PRLHR: variants seen among roughly 807,000 people sequenced by gnomAD.
PRLHR encodes the protein prolactin-releasing peptide receptor.
A neutral mutation model predicts 9.3 loss-of-function variants in PRLHR; 10 were observed. The observed-to-expected ratio is 1.08, with a 90% CI of 0.66 to 1.82. The LOEUF (loss-of-function observed/expected upper bound fraction) is 1.82, where lower values mean the gene tolerates loss of function less well. Ranked by LOEUF, PRLHR falls within the 40% of genes most tolerant of loss-of-function variation. The pLI, the probability that PRLHR is intolerant of heterozygous loss-of-function variation, is 0.00. For synonymous variants in PRLHR, 261 were observed against 249.3 expected, an observed-to-expected ratio of 1.05 and a Z score of -0.44; for missense variants, 589 against 512.0, an observed-to-expected ratio of 1.15 and a Z score of -1.45.
chr10:118,594,386 A>G lies in PRLHR; in HGVS notation c.859T>C (p.Phe287Leu), dbSNP rs1191595394. 1.3e-6 allele frequency: 2 copies of G among 1,599,798 alleles called. No individual in the cohort carries two copies. The highest frequency in any genetic ancestry group is 1.3e-5 in the African/African-American group (1 of 74,776). Reference sequence around the variant, plus strand: ...TGCAGCGGCAGCCAGCAGACGGCGAACACCACCACGATCACCACCAGCAAG... The same window carrying G: ...TGCAGCGGCAGCCAGCAGACGGCGAGCACCACCACGATCACCACCAGCAAG... ...FCLLVVIVVV[F>L]AVCWLPLHVF... The change falls in exon 2 of 2, where the codon TTC becomes CTC. Residue 287 changes from phenylalanine to leucine, a missense_variant. By Grantham distance (22) the Phe-to-Leu change is conservative (BLOSUM62 0). Coordinates refer to ENST00000239032, the MANE Select transcript of PRLHR (RefSeq NM_004248.3).
rs1162877793 is a variant in PRLHR at position 118,594,764 on chromosome 10, C to A, written c.481G>T (p.Val161Phe). The A allele has an allele frequency of 6.2e-7, 1 of 1,610,352 alleles. No individual in the cohort carries two copies. The highest frequency in any genetic ancestry group is 8.5e-7 in the Non-Finnish European group (1 of 1,179,626). The change falls in exon 2 of 2, where the codon GTC (valine) becomes TTC (phenylalanine). Residue 161 changes from valine to phenylalanine, a missense_variant. Physicochemically the swap from Val to Phe is conservative, Grantham distance 50 (BLOSUM62 -1). Transcript: ENST00000239032. ...TLTTIAVDRY[V>F]VLVHPLRRRI... ...CGCCTCAGCGGGTGCACCAGCACGA[C>A]GTAGCGGTCCACTGCGATGGTGGTG...
At position 118,592,134 on chromosome 10, in the gene PRLHR, A is replaced by G. The variant is rs1260115261; in HGVS notation, c.*1998T>C. ...GGAGAGCCCAGACATCAATTACAAA[A>G]AGAAAAAAAAGTTCCCCAGGTGATT... On this transcript the variant is annotated 3_prime_UTR_variant, in exon 2 of 2. Coordinates refer to ENST00000239032, the MANE Select transcript of PRLHR (RefSeq NM_004248.3). 1 of 151,752 alleles carries G rather than the reference A, an allele frequency of 6.6e-6. No homozygotes were observed. The highest frequency in any genetic ancestry group is 1.5e-5 in the Non-Finnish European group (1 of 67,894). The allele number at this position is 151,752 out of a possible 1,614,324, so 9.4% of individuals were successfully genotyped here. A position where few individuals can be genotyped will look rare whatever the true frequency, so the allele number is the denominator to read the frequency against.
At position 118,594,341 on chromosome 10, in the gene PRLHR, C is replaced by G; in HGVS notation, c.904G>C (p.Asp302His). ...LPLHVFNLLR[D>H]LDPHAIDPYA... ...GGGTCGATGGCGTGGGGGTCGAGGT[C>G]CCGCAGCAGGTTGAAGACGTGCAGC... Residue 302 changes from aspartate (D) to histidine (H), a missense_variant, in exon 2 of 2, where the codon GAC (aspartate) becomes CAC (histidine). Transcript: ENST00000239032. The G allele has an allele frequency of 6.2e-7, 1 of 1,600,468 alleles. No homozygotes were observed. The highest frequency in any genetic ancestry group is 1.1e-5 in the South Asian group (1 of 90,926).
chr10:118,594,361 T>C lies in PRLHR; in HGVS notation c.884A>G (p.His295Arg). 1 of 1,600,390 alleles carries C rather than the reference T, an allele frequency of 6.2e-7. No individual in the cohort carries two copies. The highest frequency in any genetic ancestry group is 8.5e-7 in the Non-Finnish European group (1 of 1,179,560). Reference protein sequence around the residue: ...VVFAVCWLPLHVFNLLRDLDP... With the variant: ...VVFAVCWLPLRVFNLLRDLDP... Reference sequence around the variant, plus strand: ...GAGGTCCCGCAGCAGGTTGAAGACGTGCAGCGGCAGCCAGCAGACGGCGAA... The same window carrying C: ...GAGGTCCCGCAGCAGGTTGAAGACGCGCAGCGGCAGCCAGCAGACGGCGAA... Residue 295 changes from histidine (H) to arginine (R), a missense_variant, in exon 2 of 2, where the codon CAC becomes CGC. Physicochemically the swap from His to Arg is conservative, Grantham distance 29. Coordinates refer to ENST00000239032, the MANE Select transcript of PRLHR (RefSeq NM_004248.3).
At position 118,595,214 on chromosome 10, in the gene PRLHR, C is replaced by A; in HGVS notation, c.31G>T (p.Val11Phe). MASSTTRGPR[V>F]SDLFSGLPPA... ...GGCAGCCCAGAAAATAAGTCAGAAACCCTGGGGCCCCGAGTGGTCGATGAG... is the reference window on the plus strand; with the variant it reads ...GGCAGCCCAGAAAATAAGTCAGAAAACCTGGGGCCCCGAGTGGTCGATGAG... The change falls in exon 2 of 2, where the codon GTT becomes TTT. Residue 11 changes from valine (V) to phenylalanine (F), a missense_variant. Transcript: ENST00000239032. 1 of 1,548,064 alleles carries A rather than the reference C, an allele frequency of 6.5e-7. No homozygotes were observed. Among genetic ancestry groups the A allele is most frequent in the African/African-American group, 1.4e-5 (1 of 73,240 alleles).
Position 118,595,309 on chromosome 10 carries a change from C to T in PRLHR, c.-6-59G>A, listed in dbSNP as rs535924771. ...TTGCCATACTCCATCCGACCTCCTA[C>T]ACCAGCCGCGCCCCTCCCCCATCGC... On this transcript the variant is annotated intron_variant, in intron 1 of 1. Coordinates refer to ENST00000239032, the MANE Select transcript of PRLHR (RefSeq NM_004248.3). The T allele has an allele frequency of 8.1e-5, 116 of 1,429,730 alleles. No homozygotes were observed. In the Admixed American group the frequency reaches 1.1e-3, roughly 13 times the overall value. 88.6% of individuals were successfully genotyped at this position (1,429,730 alleles called of 1,614,324 possible).
In PRLHR at chr10:118,594,348, C is replaced by T. The variant is rs753905982; in HGVS notation, c.897G>A (p.Leu299=). ...TGGCGTGGGGGTCGAGGTCCCGCAG[C>T]AGGTTGAAGACGTGCAGCGGCAGCC... ...VCWLPLHVFN[L]LRDLDPHAID... The change falls in exon 2 of 2, where the codon CTG becomes CTA. Residue 299 remains leucine, a synonymous_variant. Coordinates refer to ENST00000239032, the MANE Select transcript of PRLHR (RefSeq NM_004248.3). The T allele has an allele frequency of 1.7e-5, 27 of 1,600,266 alleles. No homozygotes were observed. The highest frequency in any genetic ancestry group is 2.1e-5 in the Non-Finnish European group (25 of 1,178,924).
chr10:118,594,932 AC>A lies in PRLHR; in HGVS notation c.312del (p.Leu104PhefsTer64). ...CAGGCGGTGCACATGAGCACGTCGG[AC>A]AAGGCCAGGTTGCCGATGAGGAAGT... ...VTNFLIGNLALSDVLMCTACV... is the reference protein window; with the variant it reads ...VTNFLIGNLAXSDVLMCTACV... On this transcript the variant is annotated frameshift_variant, in exon 2 of 2. Coordinates refer to ENST00000239032, the MANE Select transcript of PRLHR (RefSeq NM_004248.3). LOFTEE classifies it low-confidence loss of function (END_TRUNC). 6.2e-7 allele frequency: 1 copy of A among 1,613,628 alleles called. No homozygotes were observed. The highest frequency in any genetic ancestry group is 1.1e-5 in the South Asian group (1 of 91,072).
chr10:118,594,990 G>A lies in PRLHR; in HGVS notation c.255C>T (p.Ile85=), dbSNP rs1480275667. Residue 85 remains isoleucine (I), a synonymous_variant, in exon 2 of 2, where the codon ATC becomes ATT. Coordinates refer to ENST00000239032, the MANE Select transcript of PRLHR (RefSeq NM_004248.3). ...CGTTGTGCAGCCGGCGCACCCGCGC[G>A]ATCACCAGCACCAGCAGGCAGTTGC... is the stretch of plus-strand genomic sequence containing the variant. ...LVGNCLLVLV[I]ARVRRLHNVT... is the part of the protein sequence containing the mutation. The A allele has an allele frequency of 1.2e-6, 2 of 1,613,482 alleles. No individual in the cohort carries two copies. Among genetic ancestry groups the A allele is most frequent in the South Asian group, 1.1e-5 (1 of 91,006 alleles).
In PRLHR at chr10:118,591,690, A is replaced by C; in HGVS notation, c.*2442T>G. 1 of 142,706 alleles carries C rather than the reference A, an allele frequency of 7.0e-6. No individual in the cohort carries two copies. Among genetic ancestry groups the C allele is most frequent in the Non-Finnish European group, 1.5e-5 (1 of 65,046 alleles). The allele number at this position is 142,706 out of a possible 1,614,324, so 8.8% of individuals were successfully genotyped here. ...GTTTCTGAGATTCATTAGAAAGAGG[A>C]TTCCCGCCCCCACCCCCCACCCCGA... On this transcript the variant is annotated 3_prime_UTR_variant, in exon 2 of 2. Transcript: ENST00000239032.
In PRLHR at chr10:118,594,885, A is replaced by T; in HGVS notation, c.360T>A (p.Tyr120Ter). 1 of 1,613,422 alleles carries T rather than the reference A, an allele frequency of 6.2e-7. No homozygotes were observed. Among genetic ancestry groups the T allele is most frequent in the Non-Finnish European group, 8.5e-7 (1 of 1,179,868 alleles). Reference protein sequence around the residue: ...CTACVPLTLAYAFEPRGWVFG... With the variant: ...CTACVPLTLA ...ACACCCAGCCGCGTGGCTCGAAGGC[A>T]TAGGCCAGCGTGAGCGGCACGCAGG... Residue 120 changes from tyrosine to a stop codon, truncating the protein, a stop_gained, in exon 2 of 2, where the codon TAT becomes TAA. Transcript: ENST00000239032. LOFTEE classifies it low-confidence loss of function (END_TRUNC).
In PRLHR at chr10:118,594,689, G is replaced by A; in HGVS notation, c.556C>T (p.Leu186=). 2 of 1,589,678 alleles carry A rather than the reference G, an allele frequency of 1.3e-6. No homozygotes were observed. The highest frequency in any genetic ancestry group is 1.7e-6 in the Non-Finnish European group (2 of 1,170,750). ...GCGGGCAGCGCCAGCACCGCGGACA[G>A]CGCCCAGATGGCCAGCACAGCGTAG... ...SAYAVLAIWA[L]SAVLALPAAV... The change falls in exon 2 of 2, where the codon CTG becomes TTG. Residue 186 remains leucine, a synonymous_variant. Transcript: ENST00000239032.
Position 118,594,805 on chromosome 10 carries a change from A to G in PRLHR, c.440T>C (p.Val147Ala). 6.2e-7 allele frequency: 1 copy of G among 1,612,618 alleles called. No homozygotes were observed. Among genetic ancestry groups the G allele is most frequent in the Non-Finnish European group, 8.5e-7 (1 of 1,179,860 alleles). ...GATGGTGGTGAGCGTGAACACCGACACATAGACGGTGACCGGCTGCAGGAA... is the reference window on the plus strand; with the variant it reads ...GATGGTGGTGAGCGTGAACACCGACGCATAGACGGTGACCGGCTGCAGGAA... Reference protein sequence around the residue: ...VFFLQPVTVYVSVFTLTTIAV... With the variant: ...VFFLQPVTVYASVFTLTTIAV... The change falls in exon 2 of 2, where the codon GTG becomes GCG. Residue 147 changes from valine (V) to alanine (A), a missense_variant. Val to Ala is a moderately conservative substitution (Grantham distance 64). Coordinates refer to ENST00000239032, the MANE Select transcript of PRLHR (RefSeq NM_004248.3).
At position 118,591,774 on chromosome 10, in the gene PRLHR, C is replaced by A. The variant is rs951253539; in HGVS notation, c.*2358G>T. On this transcript the variant is annotated 3_prime_UTR_variant, in exon 2 of 2. Transcript: ENST00000239032. ...ACACTGGCACAATCTCAGCTCACTGCAACCTCTGCCTCCCTGGGTTCAAGC... is the reference window on the plus strand; with the variant it reads ...ACACTGGCACAATCTCAGCTCACTGAAACCTCTGCCTCCCTGGGTTCAAGC... 2 of 146,984 alleles carry A rather than the reference C, an allele frequency of 1.4e-5. No individual in the cohort carries two copies. Among genetic ancestry groups the A allele is most frequent in the African/African-American group, 2.5e-5 (1 of 39,550 alleles). 9.1% of individuals were successfully genotyped at this position (146,984 alleles called of 1,614,324 possible). A position where few individuals can be genotyped will look rare whatever the true frequency, so the allele number is the denominator to read the frequency against.
Position 118,594,075 on chromosome 10 carries a change from G to A in PRLHR, c.*57C>T. The A allele has an allele frequency of 6.7e-7, 1 of 1,503,152 alleles. No homozygotes were observed. The highest frequency in any genetic ancestry group is 8.9e-7 in the Non-Finnish European group (1 of 1,125,538). The allele number at this position is 1,503,152 out of a possible 1,614,324, so 93.1% of individuals were successfully genotyped here. ...ATAAGCACCAGATTGACCTCGAGTG[G>A]TGCCCTAGGAGGCCAGTTGAAGTGG... On this transcript the variant is annotated 3_prime_UTR_variant, in exon 2 of 2. Transcript: ENST00000239032.
In PRLHR at chr10:118,591,080, GT is replaced by G. The variant is rs1411831763; in HGVS notation, c.*3051del. 1 of 149,776 alleles carries G rather than the reference GT, an allele frequency of 6.7e-6. No homozygotes were observed. The highest frequency in any genetic ancestry group is 1.5e-5 in the Non-Finnish European group (1 of 67,622). The allele number at this position is 149,776 out of a possible 1,614,324, so 9.3% of individuals were successfully genotyped here. On this transcript the variant is annotated 3_prime_UTR_variant, in exon 2 of 2. Transcript: ENST00000239032. ...AAAATAATTCATGGTATGTAAATTT[GT>G]TTTTTGTTGTTTTTTGTTGTTTTTG...
rs1457768688 is a variant in PRLHR, at chr10:118,593,202, T to C, written c.*930A>G. On this transcript the variant is annotated 3_prime_UTR_variant, in exon 2 of 2. Coordinates refer to ENST00000239032, the MANE Select transcript of PRLHR (RefSeq NM_004248.3). ...CAGTCAGATGACAGCTGTTGATCTG[T>C]TGCAAGTGAGCAATTAGAGACTGCA... 1 of 152,328 alleles carries C rather than the reference T, an allele frequency of 6.6e-6. No homozygotes were observed. The highest frequency in any genetic ancestry group is 2.1e-4 in the South Asian group (1 of 4,830). 9.4% of individuals were successfully genotyped at this position (152,328 alleles called of 1,614,324 possible).
chr10:118,594,341 C>A lies in PRLHR; in HGVS notation c.904G>T (p.Asp302Tyr). 6.2e-7 allele frequency: 1 copy of A among 1,600,468 alleles called. No individual in the cohort carries two copies. The highest frequency in any genetic ancestry group is 1.1e-5 in the South Asian group (1 of 90,926). The change falls in exon 2 of 2, where the codon GAC (aspartate) becomes TAC (tyrosine). Residue 302 changes from aspartate (D) to tyrosine (Y), a missense_variant. Transcript: ENST00000239032. The stretch of plus-strand genomic sequence containing the variant: ...GGGTCGATGGCGTGGGGGTCGAGGT[C>A]CCGCAGCAGGTTGAAGACGTGCAGC... Reference protein sequence around the residue: ...LPLHVFNLLRDLDPHAIDPYA... With the variant: ...LPLHVFNLLRYLDPHAIDPYA...
In PRLHR at chr10:118,594,587, G is replaced by C; in HGVS notation, c.658C>G (p.Arg220Gly). 1.9e-6 allele frequency: 3 copies of C among 1,560,264 alleles called. No homozygotes were observed. The highest frequency in any genetic ancestry group is 2.6e-6 in the Non-Finnish European group (3 of 1,152,732). The change falls in exon 2 of 2, where the codon CGC (arginine) becomes GGC (glycine). Residue 220 changes from arginine (R) to glycine (G), a missense_variant. Coordinates refer to ENST00000239032, the MANE Select transcript of PRLHR (RefSeq NM_004248.3). ...CCCCAGGCGTAGAGCTGGCGCTGGC[G>C]CTCCTGGGAGCCCCAGAACTCCTCG... ...LCEEFWGSQERQRQLYAWGLL... is the reference protein window; with the variant it reads ...LCEEFWGSQEGQRQLYAWGLL...
Sources: gnomAD v4.1 joint callset for allele counts on GRCh38, gnomAD v4.1.1 for gene constraint, MANE v1.5 for transcripts, NCBI Gene and HGNC (gene_info 2026-07-23, HGNC 2026-07-21) for gene names.